The following GLRA2 variants were observed in gnomAD, a reference collection of about 807,000 sequenced individuals.
GLRA2 encodes glycine receptor subunit alpha-2.
A neutral mutation model predicts 31.6 loss-of-function variants in GLRA2; 11 were observed. That is an observed-to-expected ratio of 0.35 (90% confidence interval 0.22 to 0.58). The LOEUF is 0.58. GLRA2 is among the 20% of genes least tolerant of loss of function. The pLI is 0.84. For synonymous variants in GLRA2, 132 were observed against 134.0 expected, an observed-to-expected ratio of 0.99 and a Z score of 0.10; for missense variants, 212 against 351.8, an observed-to-expected ratio of 0.60 and a Z score of 3.18.
In GLRA2 at chrX:14,553,313, A is replaced by G. The variant is rs181004236; in HGVS notation, c.202+20941A>G. ...CTTTGGCTAGTGATATATACTCACTATGAAATAGAGCCATATCTTCCCCCT... is the reference window on the plus strand; with the variant it reads ...CTTTGGCTAGTGATATATACTCACTGTGAAATAGAGCCATATCTTCCCCCT... On this transcript the variant is annotated intron_variant, in intron 2 of 8. Transcript: ENST00000218075. Among the ~76,000 whole-genome samples the G allele has an allele frequency of 7.2e-5, 8 of 111,821 alleles. No individual in the cohort carries two copies. In the South Asian group the frequency reaches 1.1e-3, roughly 16 times the overall value.
In GLRA2 at chrX:14,730,385, C is replaced by T. The variant is rs140931950; in HGVS notation, c.1259C>T (p.Thr420Met). 1.3e-5 allele frequency: 16 copies of T among 1,203,571 alleles called. No homozygotes were observed. The highest frequency in any genetic ancestry group is 1.8e-5 in the South Asian group (1 of 56,647). Reference sequence around the variant, plus strand: ...GTGGACCGGGCAAAAAGGATTGACACGATATCTCGAGCTGCCTTCCCATTG... The same window carrying T: ...GTGGACCGGGCAAAAAGGATTGACATGATATCTCGAGCTGCCTTCCCATTG... ...KFVDRAKRIDTISRAAFPLAF... is the reference protein window; with the variant it reads ...KFVDRAKRIDMISRAAFPLAF... Residue 420 changes from threonine to methionine, a missense_variant, in exon 9 of 9, where the codon ACG becomes ATG. This residue lies in a region of GLRA2 where 42 missense variants were observed against 52.0 expected (regional missense o/e 0.81). Coordinates refer to ENST00000218075, the MANE Select transcript of GLRA2 (RefSeq NM_002063.4).
chrX:14,536,978 A>C (rs987202227), intron 2 of GLRA2, among the ~76,000 whole-genome samples: 1 of 111,511 alleles, frequency 9.0e-6, no homozygotes, highest in Non-Finnish European at 1.9e-5. Context: ...ATGGCCTAGA[A>C]CTAAGCCCAA....
At chrX:14,573,572 A>G (rs1488189820) in intron 2 of GLRA2, among the ~76,000 whole-genome samples, 1 of 110,812 alleles carries the variant, frequency 9.0e-6, no homozygotes, top group Non-Finnish European at 1.9e-5. Context: ...ATCATCAGAC[A>G]GTGATTTACC....
chrX:14,465,502 C>T, the GLRA2 span, among the ~76,000 whole-genome samples: 2 of 112,166 alleles, frequency 1.8e-5, no homozygotes, highest in Non-Finnish European at 1.9e-5. Context: ...AAGCTATTGG[C>T]ACATAATTGT....
chrX:14,595,339 G>C (rs889421088), intron 4 of GLRA2, among the ~76,000 whole-genome samples: 16 of 111,787 alleles, frequency 1.4e-4, no homozygotes, highest in Non-Finnish European at 2.4e-4. Flanking sequence ...AGGTGTTTGA[G>C]CAAGGATATA....
At chrX:14,527,631 A>G (rs1360632099), upstream of GLRA2, among the ~76,000 whole-genome samples, 10 of 110,309 alleles carry the variant, frequency 9.1e-5, no homozygotes, top group East Asian at 2.8e-3. Flanking sequence ...AAAAAAAAAG[A>G]GAAATGATTT....
intron 2 of GLRA2, among the ~76,000 whole-genome samples, chrX:14,571,433 G>A (rs892567375): frequency 2.7e-5 from 3 of 112,008 alleles, no homozygotes; most frequent in Non-Finnish European, 5.6e-5. Flanking sequence ...GAACTTGCAG[G>A]TCAACTTCCA....
At chrX:14,573,839 G>C (rs1395494427) in intron 2 of GLRA2, among the ~76,000 whole-genome samples, 1 of 110,453 alleles carries the variant, frequency 9.1e-6, no homozygotes, top group African/African-American at 3.3e-5. Context: ...AAGGAGTGGG[G>C]TAAATTCAGA....
the GLRA2 span, among the ~76,000 whole-genome samples, chrX:14,455,375 G>A: frequency 1.8e-5 from 2 of 111,480 alleles, no homozygotes; most frequent in Non-Finnish European, 3.8e-5. Flanking sequence ...ATAGGACAAT[G>A]ATATTGTGTA....
intron 4 of GLRA2, among the ~76,000 whole-genome samples, chrX:14,597,710 G>C (rs2090222607): frequency 8.9e-6 from 1 of 111,913 alleles, no homozygotes; most frequent in South Asian, 3.8e-4. Context: ...ATTGGTAACA[G>C]ATTATTTTCC....
intron 4 of GLRA2, among the ~76,000 whole-genome samples, chrX:14,590,451 A>C (rs2090134082): frequency 8.9e-6 from 1 of 112,201 alleles, no homozygotes; most frequent in Admixed American, 9.4e-5. Context: ...CTATAGTCTG[A>C]TGCAAGAACT....
chrX:14,652,141 T>C (rs958532622), intron 7 of GLRA2, among the ~76,000 whole-genome samples: 1 of 111,905 alleles, frequency 8.9e-6, no homozygotes, highest in Admixed American at 9.5e-5. Context: ...TTTTCTGTTG[T>C]TTAACACACA....
At chrX:14,530,371 T>A (rs1404156469) in intron 1 of GLRA2, among the ~76,000 whole-genome samples, 1 of 111,951 alleles carries the variant, frequency 8.9e-6, no homozygotes, top group Non-Finnish European at 1.9e-5. Context: ...CAACGTGATA[T>A]TAAGGTAGTC....
intron 4 of GLRA2, among the ~76,000 whole-genome samples, chrX:14,590,325 G>T (rs2147076506): frequency 9.0e-6 from 1 of 111,067 alleles, no homozygotes; most frequent in South Asian, 4.0e-4. Flanking sequence ...GTATAGTGCA[G>T]ATTTCTAGAC....
intron 2 of GLRA2, among the ~76,000 whole-genome samples, chrX:14,566,509 A>G (rs763058271): frequency 7.1e-5 from 8 of 112,083 alleles, no homozygotes; most frequent in Non-Finnish European, 1.5e-4. Flanking sequence ...ATCACAGACC[A>G]ATATCCCTTT....
chrX:14,579,053 C>T (rs1025604347), intron 3 of GLRA2, among the ~76,000 whole-genome samples: 1 of 112,252 alleles, frequency 8.9e-6, no homozygotes. Context: ...TTCCCCACAA[C>T]AGACATTTCA....
At chrX:14,712,495 C>T (rs1371368854) in intron 8 of GLRA2, among the ~76,000 whole-genome samples, 3 of 108,843 alleles carry the variant, frequency 2.8e-5, no homozygotes, top group Non-Finnish European at 5.7e-5. Flanking sequence ...TTAAGATAAT[C>T]ACTCTTAATT....
intron 7 of GLRA2, among the ~76,000 whole-genome samples, chrX:14,656,871 T>C (rs1210126629): frequency 5.4e-5 from 6 of 111,829 alleles, no homozygotes; most frequent in African/African-American, 1.9e-4. Flanking sequence ...CAGTTAAGTG[T>C]TGGAGCGTGG....
At chrX:14,537,621 C>T (rs1051165783) in intron 2 of GLRA2, among the ~76,000 whole-genome samples, 1 of 110,807 alleles carries the variant, frequency 9.0e-6, no homozygotes, top group Non-Finnish European at 1.9e-5. Context: ...AGCACTGTTG[C>T]TTCTGTTCTT....
Sources: allele counts gnomAD v4.1 joint callset (sites outside exome capture counted in the v4.1 genomes callset), GRCh38; gene constraint gnomAD v4.1.1; regional missense constraint gnomAD v4.1.1; transcripts MANE v1.5; gene names NCBI Gene and HGNC (gene_info 2026-07-23, HGNC 2026-07-21).